Variants in SYT14 observed in about 807,000 individuals in gnomAD.
SYT14 encodes the protein synaptotagmin 14.
In SYT14, 32 loss-of-function variants were observed where a neutral mutation model predicts 74.2. That is an observed-to-expected ratio of 0.43 (90% confidence interval 0.33 to 0.58). SYT14 has a LOEUF of 0.58. Among genes scored for constraint, SYT14 ranks in the 20% least tolerant of loss-of-function variants. The pLI is 0.05. For synonymous variants in SYT14, 298 were observed against 337.7 expected, an observed-to-expected ratio of 0.88 and a Z score of 1.29; for missense variants, 791 against 981.8, an observed-to-expected ratio of 0.81 and a Z score of 2.60.
intron 1 of SYT14, among the ~76,000 whole-genome samples, chr1:209,943,911 A>G (rs1013266990): frequency 1.3e-5 from 2 of 152,214 alleles, no homozygotes; most frequent in African/African-American, 4.8e-5. Flanking sequence ...AACCTATCAA[A>G]TTAGAACCCT....
chr1:209,955,732 A>T (rs887573026), intron 2 of SYT14, among the ~76,000 whole-genome samples: 1 of 152,148 alleles, frequency 6.6e-6, no homozygotes, highest in African/African-American at 2.4e-5. Flanking sequence ...TATAGTATCA[A>T]CTCGGAGTCC....
At chr1:209,979,014 A>T (rs1200862006) in intron 2 of SYT14, among the ~76,000 whole-genome samples, 4 of 152,134 alleles carry the variant, frequency 2.6e-5, no homozygotes, top group East Asian at 1.9e-4. Context: ...CAGGCGCGGG[A>T]TATAATCTCC....
Position 209,979,141 on chromosome 1 carries a change from C to T in SYT14, c.-486+26385C>T, listed in dbSNP as rs375133998. On this transcript the variant is annotated intron_variant, in intron 2 of 9. Transcript: ENST00000637265. Reference sequence around the variant, plus strand: ...GACTAGGAAAGGGAATTCCCTGACCCCTTGCGCTTCCTGGGTGAGGCGATG... The same window carrying T: ...GACTAGGAAAGGGAATTCCCTGACCTCTTGCGCTTCCTGGGTGAGGCGATG... Among the ~76,000 whole-genome samples the T allele has an allele frequency of 4.6e-5, 7 of 152,320 alleles. No homozygotes were observed. The South Asian group carries it at 8.3e-4, about 18-fold the overall frequency.
chr1:209,960,049 T>A (rs2079054722), intron 2 of SYT14, among the ~76,000 whole-genome samples: 1 of 152,208 alleles, frequency 6.6e-6, no homozygotes, highest in Admixed American at 6.5e-5. Flanking sequence ...ATTTTTTATG[T>A]CTTTATGAAC....
At chr1:209,986,237 C>A (rs1477722452) in intron 2 of SYT14, among the ~76,000 whole-genome samples, 2 of 152,114 alleles carry the variant, frequency 1.3e-5, no homozygotes, top group Non-Finnish European at 2.9e-5. Context: ...TTAGTAATTT[C>A]TTTGTTCCCA....
chr1:210,076,693 A>G (rs1431965045), intron 5 of SYT14, among the ~76,000 whole-genome samples: 1 of 152,088 alleles, frequency 6.6e-6, no homozygotes, highest in African/African-American at 2.4e-5. Context: ...GCAGAAGAAA[A>G]ATGGGGAGCC....
chr1:210,163,374 A>C (rs1229719715), exon 10 of SYT14: 1 of 453,740 alleles, frequency 2.2e-6, no homozygotes, highest in Admixed American at 2.3e-5. Context: ...ACAGTTTTTT[A>C]ATATTTCTGG....
At chr1:210,133,782 T>A (rs1318676553) in intron 7 of SYT14, among the ~76,000 whole-genome samples, 1 of 151,970 alleles carries the variant, frequency 6.6e-6, no homozygotes, top group Admixed American at 6.5e-5. Context: ...TCTGGTTGTT[T>A]ATTTTTGAGA....
chr1:210,026,516 A>G (rs2080414806), intron 5 of SYT14, among the ~76,000 whole-genome samples: 1 of 151,776 alleles, frequency 6.6e-6, no homozygotes, highest in South Asian at 2.1e-4. Flanking sequence ...TGTATTATTA[A>G]ATTTACATTA....
chr1:210,012,177 T>G (rs1207288504), intron 2 of SYT14, among the ~76,000 whole-genome samples: 1 of 152,214 alleles, frequency 6.6e-6, no homozygotes, highest in Non-Finnish European at 1.5e-5. Flanking sequence ...AATATAATCA[T>G]AGAGTCCATA....
At chr1:210,029,186 T>C (rs1304111669) in intron 5 of SYT14, among the ~76,000 whole-genome samples, 4 of 152,202 alleles carry the variant, frequency 2.6e-5, no homozygotes, top group African/African-American at 7.2e-5. Context: ...TTATCAGATA[T>C]ATGGTTTGCA....
At chr1:210,131,849 T>G (rs141482260) in intron 7 of SYT14, among the ~76,000 whole-genome samples, 180 of 152,248 alleles carry the variant, frequency 1.2e-3, no homozygotes, top group African/African-American at 4.1e-3. Context: ...TAACTCCCTG[T>G]GTTTATTTTC....
intron 2 of SYT14, among the ~76,000 whole-genome samples, chr1:209,985,488 T>G (rs1325613599): frequency 1.3e-5 from 2 of 152,248 alleles, no homozygotes; most frequent in Non-Finnish European, 2.9e-5. Context: ...CCCACATCTG[T>G]TCTTCCAGGA....
chr1:210,134,130 T>A (rs1050002645), intron 7 of SYT14, among the ~76,000 whole-genome samples: 1 of 152,002 alleles, frequency 6.6e-6, no homozygotes, highest in African/African-American at 2.4e-5. Flanking sequence ...GGAGACAAGG[T>A]CTTGCTCTGT....
At chr1:210,124,834 A>G (rs567386573) in intron 7 of SYT14, among the ~76,000 whole-genome samples, 5 of 152,148 alleles carry the variant, frequency 3.3e-5, no homozygotes, top group African/African-American at 1.2e-4. Context: ...TTGGCAAACT[A>G]CAAATATTCC....
intron 5 of SYT14, among the ~76,000 whole-genome samples, chr1:210,067,163 T>G (rs1284614669): frequency 6.6e-6 from 1 of 152,094 alleles, no homozygotes; most frequent in African/African-American, 2.4e-5. Flanking sequence ...TACGTGTCTG[T>G]CCTCTTGCCA....
chr1:209,981,050 C>T (rs2079475008), intron 2 of SYT14, among the ~76,000 whole-genome samples: 1 of 152,250 alleles, frequency 6.6e-6, no homozygotes, highest in Admixed American at 6.5e-5. Flanking sequence ...TATGAATTTT[C>T]ATGACATTGA....
chr1:209,943,508 CAAAAAAAAA>C (rs58806792), intron 1 of SYT14, among the ~76,000 whole-genome samples: 5 of 59,312 alleles, frequency 8.4e-5, no homozygotes, highest in Admixed American at 2.9e-4. Flanking sequence ...GATTCAATCT[CAAAAAAAAA>C]AAAAAAAAAA....
At chr1:210,026,660 TTC>T (rs1371689099) in intron 5 of SYT14, among the ~76,000 whole-genome samples, 1 of 149,470 alleles carries the variant, frequency 6.7e-6, no homozygotes, top group African/African-American at 2.5e-5. Flanking sequence ...CTACTTGTCA[TTC>T]TCTTTCTGTT....
Sources: allele counts gnomAD v4.1 joint callset (sites outside exome capture counted in the v4.1 genomes callset), GRCh38; gene constraint gnomAD v4.1.1; transcripts MANE v1.5; gene names NCBI Gene and HGNC (gene_info 2026-07-23, HGNC 2026-07-21).